Variants in BBX observed in about 807,000 individuals in gnomAD.
BBX encodes BBX high mobility group box domain containing.
Under a neutral mutation model 100.2 loss-of-function variants are expected in BBX, and 30 were observed. The ratio of observed to expected loss-of-function variants is 0.30; its 90% CI spans 0.22 to 0.41. The LOEUF (loss-of-function observed/expected upper bound fraction) is 0.41. Ranked by LOEUF, BBX falls within the 10% of genes least tolerant of loss-of-function variation. BBX has a pLI of 1.00. For synonymous variants in BBX, 376 were observed against 388.1 expected, an observed-to-expected ratio of 0.97 and a Z score of 0.37; for missense variants, 1,023 against 1,129.8, an observed-to-expected ratio of 0.91 and a Z score of 1.35.
At chr3:107,641,090 T>TC (rs1348035683) in intron 2 of BBX, among the ~76,000 whole-genome samples, 29 of 149,478 alleles carry the variant, frequency 1.9e-4, no homozygotes, top group East Asian at 3.9e-4. Context: ...TTTCTTTCTT[T>TC]TTTTTTTTTT....
At chr3:107,572,692 T>G (rs2051459860) in intron 2 of BBX, among the ~76,000 whole-genome samples, 1 of 152,180 alleles carries the variant, frequency 6.6e-6, no homozygotes, top group Non-Finnish European at 1.5e-5. Context: ...CAAATAAAAA[T>G]TATATATCTT....
chr3:107,661,317 A>G (rs982794120), intron 3 of BBX, among the ~76,000 whole-genome samples: 3 of 152,180 alleles, frequency 2.0e-5, no homozygotes, highest in African/African-American at 7.2e-5. Flanking sequence ...TACCAGAAAA[A>G]GCAGTGGATT....
chr3:107,555,037 C>T (rs1397647095), intron 2 of BBX, among the ~76,000 whole-genome samples: 1 of 152,210 alleles, frequency 6.6e-6, no homozygotes, highest in Admixed American at 6.5e-5. Flanking sequence ...CATTGCACTC[C>T]AGCCTGGGCA....
chr3:107,803,188 G>A (rs2108050871), intron 17 of BBX, among the ~76,000 whole-genome samples: 1 of 152,300 alleles, frequency 6.6e-6, no homozygotes, highest in South Asian at 2.1e-4. Context: ...AAAAAATAAT[G>A]TGAGTAAAGA....
intron 9 of BBX, 50 bp downstream of exon 9, chr3:107,748,089 A>G (rs1179941256): frequency 6.8e-7 from 1 of 1,477,780 alleles, no homozygotes. Context: ...TGTTGAGCTC[A>G]GGAATACTGG....
chr3:107,731,933 G>A (rs569652597), intron 6 of BBX, among the ~76,000 whole-genome samples: 6 of 152,240 alleles, frequency 3.9e-5, no homozygotes, highest in South Asian at 2.1e-4. Flanking sequence ...GAGAGATGCC[G>A]AGTTAGGCAT....
intron 2 of BBX, among the ~76,000 whole-genome samples, chr3:107,591,470 G>C (rs2053305880): frequency 6.6e-6 from 1 of 152,084 alleles, no homozygotes; most frequent in Non-Finnish European, 1.5e-5. Flanking sequence ...AGAAAGGAAA[G>C]GGGGAGATAT....
intron 2 of BBX, among the ~76,000 whole-genome samples, chr3:107,552,287 T>C (rs546872989): frequency 7.2e-6 from 1 of 138,600 alleles, no homozygotes; most frequent in Non-Finnish European, 1.5e-5. Flanking sequence ...AAGGCTGCAG[T>C]GAGCCATGAT....
chr3:107,668,141 G>A (rs987911430), intron 3 of BBX, among the ~76,000 whole-genome samples: 5 of 152,242 alleles, frequency 3.3e-5, no homozygotes, highest in Non-Finnish European at 2.9e-5. Flanking sequence ...ACCCTTCTAG[G>A]AAGCTCACCT....
intron 7 of BBX, among the ~76,000 whole-genome samples, chr3:107,738,092 T>C (rs1490596236): frequency 6.6e-6 from 1 of 151,662 alleles, no homozygotes; most frequent in African/African-American, 2.4e-5. Context: ...ATATTTTGCC[T>C]TGTAAGTTTG....
chr3:107,697,920 T>TC (rs1367448719), intron 3 of BBX, among the ~76,000 whole-genome samples: 2 of 151,880 alleles, frequency 1.3e-5, no homozygotes, highest in Admixed American at 1.3e-4. Context: ...TTTAAGCTCG[T>TC]CAGAAAAGCG....
chr3:107,624,081 A>G (rs1434757659), intron 2 of BBX, among the ~76,000 whole-genome samples: 2 of 152,214 alleles, frequency 1.3e-5, no homozygotes, highest in Non-Finnish European at 2.9e-5. Flanking sequence ...CTCAGAAGCC[A>G]GGCTGCCAGG....
At chr3:107,633,394 TAAAC>T (rs1278920067) in intron 2 of BBX, among the ~76,000 whole-genome samples, 2 of 152,166 alleles carry the variant, frequency 1.3e-5, no homozygotes, top group African/African-American at 4.8e-5. Context: ...CTTAGTTTCT[TAAAC>T]AGTTTGATAT....
At chr3:107,683,473 A>G (rs1354425586) in intron 3 of BBX, among the ~76,000 whole-genome samples, 2 of 152,122 alleles carry the variant, frequency 1.3e-5, no homozygotes, top group African/African-American at 2.4e-5. Flanking sequence ...AGGGTATTAT[A>G]AGGATTTATT....
At chr3:107,568,283 G>A (rs79079172) in intron 2 of BBX, among the ~76,000 whole-genome samples, 1 of 46,528 alleles carries the variant, frequency 2.1e-5, no homozygotes, top group African/African-American at 9.0e-5. Flanking sequence ...TTTTTTTTTT[G>A]AGATGGAGTC....
At chr3:107,791,348 A>T (rs561062315) in intron 15 of BBX, 49 bp downstream of exon 15, 2 of 1,512,838 alleles carry the variant, frequency 1.3e-6, no homozygotes, top group South Asian at 2.3e-5. Flanking sequence ...GCTGGAAATG[A>T]CATAAGTTGT....
intron 7 of BBX, among the ~76,000 whole-genome samples, chr3:107,738,152 C>A (rs1337501567): frequency 1.3e-5 from 2 of 151,722 alleles, no homozygotes. Flanking sequence ...ATTTCTTGAG[C>A]CATATTCAAT....
intron 6 of BBX, among the ~76,000 whole-genome samples, 195 bp downstream of exon 6, chr3:107,729,155 C>T (rs2063156036): frequency 6.6e-6 from 1 of 152,062 alleles, no homozygotes; most frequent in Non-Finnish European, 1.5e-5. Context: ...TATATGGCCT[C>T]AGTGGTAGTG....
intron 7 of BBX, among the ~76,000 whole-genome samples, chr3:107,743,713 G>A (rs2064306718): frequency 2.6e-5 from 4 of 152,080 alleles, no homozygotes; most frequent in Admixed American, 2.6e-4. Context: ...ATAATCACAT[G>A]CAGCTATTAA....
Sources: allele counts gnomAD v4.1 joint callset (sites outside exome capture counted in the v4.1 genomes callset), GRCh38; gene constraint gnomAD v4.1.1; transcripts MANE v1.5; gene names NCBI Gene and HGNC (gene_info 2026-07-23, HGNC 2026-07-21).